Variants in TDRD7 observed in about 807,000 individuals in gnomAD.
TDRD7 encodes the protein tudor domain containing 7, also known as tudor domain-containing protein 7.
TDRD7 carries 47 observed loss-of-function variants against 109.8 expected under a neutral mutation model. That is an observed-to-expected ratio of 0.43 (90% CI 0.34 to 0.55). The LOEUF is 0.55. Ranked by LOEUF, TDRD7 falls within the 20% of genes least tolerant of loss-of-function variation. The pLI is 0.03. For synonymous variants in TDRD7, 424 were observed against 457.3 expected (o/e 0.93, Z 0.93); for missense variants, 1,164 against 1,319.2 (o/e 0.88, Z 1.82).
intron 1 of TDRD7, among the ~76,000 whole-genome samples, chr9:97,413,984 GA>G (rs1246349160): frequency 1.4e-4 from 21 of 152,152 alleles, no homozygotes; most frequent in South Asian, 4.1e-4. Flanking sequence ...TACTTAATGT[GA>G]ATATAAAGAA....
chr9:97,480,652 A>G, intron 13 of TDRD7, 176 bp from the exon 14 acceptor site: 1 of 655,746 alleles, frequency 1.5e-6, no homozygotes, highest in Non-Finnish European at 2.8e-6. Context: ...AGTTATATAA[A>G]TAGAGTTAGG....
chr9:97,420,261 T>C (rs1827876780), intron 1 of TDRD7, among the ~76,000 whole-genome samples: 1 of 151,026 alleles, frequency 6.6e-6, no homozygotes, highest in African/African-American at 2.4e-5. Flanking sequence ...AAATAATCCA[T>C]AGTGACAGAA....
At chr9:97,474,958 A>G (rs1828990482) in intron 11 of TDRD7, among the ~76,000 whole-genome samples, 1 of 152,186 alleles carries the variant, frequency 6.6e-6, no homozygotes, top group Non-Finnish European at 1.5e-5. Context: ...TTTGTTTTGG[A>G]ATTAAAATGT....
At chr9:97,446,780 CT>C (rs1828409051) in intron 6 of TDRD7, among the ~76,000 whole-genome samples, 1 of 152,104 alleles carries the variant, frequency 6.6e-6, no homozygotes, top group African/African-American at 2.4e-5. Context: ...AATAAAGCAC[CT>C]TTTTGCCCAT....
In TDRD7 at chr9:97,427,176, G is replaced by A. The variant is rs1421035590; in HGVS notation, c.-6-1284G>A. On this transcript the variant is annotated intron_variant, in intron 1 of 16. Coordinates refer to ENST00000355295, the MANE Select transcript of TDRD7 (RefSeq NM_014290.3). ...TAAAAGGGTAAGCCATTTTTTCCAG[G>A]CTACTTATTCTCTGAATGTATCTCC... Among the ~76,000 whole-genome samples, 12 of 151,672 alleles carry A rather than the reference G, an allele frequency of 7.9e-5. No homozygotes were observed. In the South Asian group the frequency reaches 2.5e-3, roughly 32 times the overall value.
At chr9:97,475,613 T>C (rs1780615973) in intron 12 of TDRD7, 144 bp downstream of exon 12, 2 of 709,800 alleles carry the variant, frequency 2.8e-6, no homozygotes, top group Non-Finnish European at 4.9e-6. Flanking sequence ...ATGGTTGAAA[T>C]TTCCTGGTTG....
intron 13 of TDRD7, 40 bp downstream of exon 13, chr9:97,478,613 T>C (rs746761013): frequency 8.7e-6 from 14 of 1,612,304 alleles, no homozygotes; most frequent in Non-Finnish European, 1.2e-5. Context: ...TGGAACAGAT[T>C]TGGATGTGTT....
rs1828684488 is a variant in TDRD7, at chr9:97,460,171, A to G, written c.856-7A>G. On this transcript the variant is annotated splice_region_variant and splice_polypyrimidine_tract_variant and intron_variant, in intron 6 of 16. Coordinates refer to ENST00000355295, the MANE Select transcript of TDRD7 (RefSeq NM_014290.3). ...TATCTGTCATTTGCTTTATTTAAAAATTTCAGGTGGAGAAACCTTGCAGTG... is the reference window on the plus strand; with the variant it reads ...TATCTGTCATTTGCTTTATTTAAAAGTTTCAGGTGGAGAAACCTTGCAGTG... 1 of 1,613,638 alleles carries G rather than the reference A, an allele frequency of 6.2e-7. No homozygotes were observed. Among genetic ancestry groups the G allele is most frequent in the Admixed American group, 1.7e-5 (1 of 60,002 alleles).
At chr9:97,484,469 AACAC>A (rs66794888) in intron 15 of TDRD7, among the ~76,000 whole-genome samples, 3 of 147,134 alleles carry the variant, frequency 2.0e-5, no homozygotes, top group Admixed American at 6.8e-5. Flanking sequence ...ACCCCTCCCC[AACAC>A]ACACACACAC....
intron 2 of TDRD7, among the ~76,000 whole-genome samples, chr9:97,430,705 G>A (rs1223244126): frequency 1.3e-5 from 2 of 152,016 alleles, no homozygotes; most frequent in East Asian, 1.9e-4. Flanking sequence ...AAAAATAAAT[G>A]GAATTTTCAG....
chr9:97,463,961 G>C (rs1047024775), intron 7 of TDRD7, among the ~76,000 whole-genome samples: 1 of 152,190 alleles, frequency 6.6e-6, no homozygotes, highest in South Asian at 2.1e-4. Flanking sequence ...AGTTTGGAGG[G>C]GGGGTGTCAA....
chr9:97,482,875 G>T lies in TDRD7; in HGVS notation c.2439G>T (p.Gly813=), dbSNP rs957497453. 6.2e-7 allele frequency: 1 copy of T among 1,614,076 alleles called. No homozygotes were observed. Residue 813 remains glycine (G), a synonymous_variant, in exon 15 of 17, where the codon GGG becomes GGT. Transcript: ENST00000355295. ...TTACAAAAGTGGATGAAACCAGAGG[G>T]ATCGCACATGTTTATTTATTTACCC... is the stretch of plus-strand genomic sequence containing the variant. The part of the protein sequence containing the change: ...IKVTKVDETR[G]IAHVYLFTPK...
At chr9:97,448,679 G>A (rs1340263319) in intron 6 of TDRD7, among the ~76,000 whole-genome samples, 2 of 152,140 alleles carry the variant, frequency 1.3e-5, no homozygotes, top group African/African-American at 4.8e-5. Context: ...AATGCTTGCA[G>A]TGCTAGAAAG....
rs756592981 is a variant in TDRD7, at chr9:97,432,134, G to C, written c.459G>C (p.Lys153Asn). 1.2e-6 allele frequency: 2 copies of C among 1,613,860 alleles called. No individual in the cohort carries two copies. The highest frequency in any genetic ancestry group is 1.7e-6 in the Non-Finnish European group (2 of 1,179,806). The change falls in exon 4 of 17, where the codon AAG becomes AAC. Residue 153 changes from lysine (K) to asparagine (N), a missense_variant. Physicochemically the swap from Lys to Asn is moderately conservative, Grantham distance 94. Around this residue, in one of 5 missense-constraint regions of TDRD7, gnomAD observed 407 missense variants for 394.0 expected, o/e 1.03. Coordinates refer to ENST00000355295, the MANE Select transcript of TDRD7 (RefSeq NM_014290.3). Reference sequence around the variant, plus strand: ...ACAAAGGAAACTCTGTTGGAGTTAAGCCTGATGCTGAAATGTCTCCTTATA... The same window carrying C: ...ACAAAGGAAACTCTGTTGGAGTTAACCCTGATGCTGAAATGTCTCCTTATA... ...LRDKGNSVGVKPDAEMSPYML... is the reference protein window; with the variant it reads ...LRDKGNSVGVNPDAEMSPYML...
chr9:97,433,136 A>G (rs1023879742), intron 4 of TDRD7, among the ~76,000 whole-genome samples: 1 of 152,156 alleles, frequency 6.6e-6, no homozygotes, highest in African/African-American at 2.4e-5. Context: ...CCTTTAAATC[A>G]GTGTTCAAAA....
At chr9:97,479,749 C>T (rs1330200351) in intron 13 of TDRD7, among the ~76,000 whole-genome samples, 1 of 152,136 alleles carries the variant, frequency 6.6e-6, no homozygotes, top group African/African-American at 2.4e-5. Context: ...TTGGCTCTTA[C>T]AGTATTTTAA....
At chr9:97,491,444 A>G (rs1316953349) in intron 16 of TDRD7, among the ~76,000 whole-genome samples, 1 of 151,986 alleles carries the variant, frequency 6.6e-6, no homozygotes, top group Non-Finnish European at 1.5e-5. Flanking sequence ...TTTTCCTTCC[A>G]TATCACTTGT....
chr9:97,439,423 A>G, intron 5 of TDRD7, 105 bp downstream of exon 5: 2 of 929,592 alleles, frequency 2.2e-6, no homozygotes, highest in Non-Finnish European at 3.4e-6. Context: ...TGTTTGGAAT[A>G]TATCCTTCCT....
chr9:97,422,899 C>G (rs1161944164), intron 1 of TDRD7, among the ~76,000 whole-genome samples: 1 of 152,098 alleles, frequency 6.6e-6, no homozygotes, highest in South Asian at 2.1e-4. Flanking sequence ...GTTATTATGT[C>G]TTATCCTTTT....
Sources: allele counts gnomAD v4.1 joint callset (sites outside exome capture counted in the v4.1 genomes callset), GRCh38; gene constraint gnomAD v4.1.1; regional missense constraint gnomAD v4.1.1; transcripts MANE v1.5; gene names NCBI Gene and HGNC (gene_info 2026-07-23, HGNC 2026-07-21).